The following DAB1 variants were observed in gnomAD, a reference collection of about 807,000 sequenced individuals.
DAB1 encodes disabled homolog 1.
In DAB1, 15 loss-of-function variants were observed where a neutral mutation model predicts 64.6. The ratio of observed to expected loss-of-function variants is 0.23; its 90% CI spans 0.16 to 0.36. The LOEUF is 0.36. Among genes scored for constraint, DAB1 ranks in the 10% least tolerant of loss-of-function variants. The probability of loss-of-function intolerance (pLI) is 1.00; values close to 1 mark genes in which losing one functional copy is unlikely to be tolerated. For missense variants in DAB1, 596 were observed against 706.7 expected, an observed-to-expected ratio of 0.84 and a Z score of 1.78; for synonymous variants, 235 against 251.9, an observed-to-expected ratio of 0.93 and a Z score of 0.64.
At chr1:57,238,904 G>C (rs1040349453) in intron 2 of DAB1, among the ~76,000 whole-genome samples, 1 of 138,920 alleles carries the variant, frequency 7.2e-6, no homozygotes, top group Admixed American at 7.5e-5. Flanking sequence ...CCCCTAACTT[G>C]AAATGGTTTT....
chr1:58,150,794 T>C (rs957621613), intron 4 of DAB1, among the ~76,000 whole-genome samples: 3 of 152,002 alleles, frequency 2.0e-5, no homozygotes, highest in Non-Finnish European at 4.4e-5. Context: ...ACCCATTAAC[T>C]CATCATTTAC....
At chr1:57,073,009 C>A (rs1055891238) in intron 4 of DAB1, among the ~76,000 whole-genome samples, 8 of 152,184 alleles carry the variant, frequency 5.3e-5, no homozygotes, top group Non-Finnish European at 1.2e-4. Context: ...TCTCTGCCTG[C>A]AACATCAACT....
chr1:58,516,933 C>T lies in DAB1; in HGVS notation n.107+10328G>A, dbSNP rs113952203. ...GCTACAGAGGAAGCCAGGCTGTAAT[C>T]AGAAGGTTGCCTAGGAAGGAGAGAA... On this transcript the variant is annotated intron_variant and non_coding_transcript_variant, in intron 2 of 20. Coordinates refer to the DAB1 transcript ENST00000485760. Among the ~76,000 whole-genome samples, 563 of 152,230 alleles carry T rather than the reference C, an allele frequency of 3.7e-3. 2 individuals carry two copies. Among genetic ancestry groups the T allele is most frequent in the Non-Finnish European group, 7.0e-3 (473 of 67,996 alleles).
chr1:57,408,461 C>G (rs373280818), intron 1 of DAB1, among the ~76,000 whole-genome samples: 1 of 152,290 alleles, frequency 6.6e-6, no homozygotes, highest in South Asian at 2.1e-4. Context: ...CATGTCACTT[C>G]AAGTCAGGAT....
At chr1:57,226,672 A>AAAAAATATATATATATATATAT (rs747021990) in intron 2 of DAB1, among the ~76,000 whole-genome samples, 39 of 135,988 alleles carry the variant, frequency 2.9e-4, no homozygotes, top group African/African-American at 1.1e-3. Context: ...TTAAAAAAAA[A>AAAAAATATATATATATATATAT]ATATATATAT....
At chr1:57,202,729 AG>A in intron 2 of DAB1, among the ~76,000 whole-genome samples, 1 of 152,206 alleles carries the variant, frequency 6.6e-6, no homozygotes, top group Non-Finnish European at 1.5e-5. Flanking sequence ...CCTGTAATCA[AG>A]TTATCACACT....
intron 3 of DAB1, among the ~76,000 whole-genome samples, chr1:58,385,270 C>T (rs911306164): frequency 3.3e-5 from 5 of 152,178 alleles, no homozygotes; most frequent in African/African-American, 1.2e-4. Flanking sequence ...CTCAACAAAG[C>T]TAAAGAGAAA....
At chr1:58,442,377 T>C (rs1341401820) in intron 3 of DAB1, among the ~76,000 whole-genome samples, 1 of 152,152 alleles carries the variant, frequency 6.6e-6, no homozygotes, top group East Asian at 1.9e-4. Flanking sequence ...CAAGATTTCT[T>C]ATTATTGTTC....
intron 6 of DAB1, among the ~76,000 whole-genome samples, chr1:57,668,639 GC>G (rs1256841065): frequency 6.6e-6 from 1 of 152,054 alleles, no homozygotes; most frequent in East Asian, 1.9e-4. Context: ...TGACCCCAAA[GC>G]CTGTTCTGTG....
intron 1 of DAB1, among the ~76,000 whole-genome samples, chr1:57,408,715 T>G (rs1304562199): frequency 6.6e-6 from 1 of 152,160 alleles, no homozygotes; most frequent in Non-Finnish European, 1.5e-5. Context: ...AAACAGCAAG[T>G]GTCTCCCTTC....
intron 4 of DAB1, among the ~76,000 whole-genome samples, chr1:58,151,157 G>A (rs1654913384): frequency 6.6e-6 from 1 of 152,160 alleles, no homozygotes; most frequent in Admixed American, 6.5e-5. Flanking sequence ...AAACATATGT[G>A]TGCATGTGTC....
In DAB1 at chr1:57,025,354, A is replaced by G. The variant is rs77626747; in HGVS notation, c.786+627T>C. On this transcript the variant is annotated intron_variant, in intron 10 of 14. Transcript: ENST00000371236. ...CTTTTGTAAGCACTGACTGAGGTAC[A>G]CTGGCTGAAGCTGTGGCTGGGAATC... 1.5e-3 allele frequency among the ~76,000 whole-genome samples: 232 copies of G among 152,276 alleles called. 1 individual carries two copies. Among genetic ancestry groups the G allele is most frequent in the Middle Eastern group, 3.4e-3 (1 of 294 alleles).
At chr1:57,026,185 T>G in intron 9 of DAB1, 142 bp from the exon 10 acceptor site, 1 of 629,222 alleles carries the variant, frequency 1.6e-6, no homozygotes, top group Non-Finnish European at 2.8e-6. Flanking sequence ...GGGTCATTAC[T>G]ATACCTCAGG....
chr1:58,084,775 T>G (rs1454976654), intron 5 of DAB1, among the ~76,000 whole-genome samples: 1 of 149,210 alleles, frequency 6.7e-6, no homozygotes, highest in Non-Finnish European at 1.5e-5. Context: ...ATATATTACA[T>G]ATTATATATA....
chr1:57,807,563 C>T (rs1377613728), intron 6 of DAB1, among the ~76,000 whole-genome samples: 1 of 152,238 alleles, frequency 6.6e-6, no homozygotes, highest in Non-Finnish European at 1.5e-5. Context: ...ATCCCAAATA[C>T]TGCCTCATCA....
chr1:58,157,286 G>A (rs1435706427), intron 4 of DAB1, among the ~76,000 whole-genome samples: 2 of 152,178 alleles, frequency 1.3e-5, no homozygotes, highest in African/African-American at 4.8e-5. Flanking sequence ...ACATGTGACT[G>A]TAGCCTCAGA....
intron 5 of DAB1, among the ~76,000 whole-genome samples, chr1:57,945,428 G>GTTATTATTA (rs143711609): frequency 0.03 from 3,679 of 123,782 alleles, 64 homozygotes; most frequent in Non-Finnish European, 0.037. Flanking sequence ...CTTGCTAATT[G>GTTATTATTA]TTATTATTAT....
intron 4 of DAB1, among the ~76,000 whole-genome samples, chr1:58,177,105 C>T (rs1030226628): frequency 8.6e-5 from 13 of 151,920 alleles, no homozygotes; most frequent in Non-Finnish European, 1.5e-4. Context: ...TTGTATTTTA[C>T]AGAAGAAGAA....
rs181290580 is a variant in DAB1, at chr1:57,374,412, T to C, written c.-137+49518A>G. ...AACTTTTATATTAAGAAATGTATTA[T>C]TTTGTTTGGAAAGCAAGCTTTTTAT... On this transcript the variant is annotated intron_variant, in intron 1 of 14. Transcript: ENST00000371236. 1.3e-3 allele frequency among the ~76,000 whole-genome samples: 200 copies of C among 152,340 alleles called. 2 individuals carry two copies. The highest frequency in any genetic ancestry group is 4.4e-3 in the African/African-American group (185 of 41,582).
Sources: allele counts gnomAD v4.1 joint callset (sites outside exome capture counted in the v4.1 genomes callset), GRCh38; gene constraint gnomAD v4.1.1; transcripts MANE v1.5; gene names NCBI Gene and HGNC (gene_info 2026-07-23, HGNC 2026-07-21).